FAM149A: variants seen among roughly 807,000 people sequenced by gnomAD.
The protein encoded by FAM149A is family with sequence similarity 149 member A, also known as protein FAM149A.
FAM149A carries 71 observed loss-of-function variants against 78.2 expected under a neutral mutation model. That is an observed-to-expected ratio of 0.91 (90% CI 0.75 to 1.11). FAM149A has a LOEUF of 1.11. Ranked by LOEUF, FAM149A falls within the 50% of genes least tolerant of loss-of-function variation. The pLI is 0.00. For synonymous variants in FAM149A, 446 were observed against 410.5 expected (o/e 1.09, Z -1.04); for missense variants, 1,036 against 971.0 (o/e 1.07, Z -0.89).
chr4:186,151,491 A>T (rs539664239), intron 3 of FAM149A, among the ~76,000 whole-genome samples: 1 of 152,284 alleles, frequency 6.6e-6, no homozygotes. Context: ...AGAAAAAAAA[A>T]TCTTGTATTT....
chr4:186,169,065 G>A (rs1163818944), intron 13 of FAM149A: 4 of 332,080 alleles, frequency 1.2e-5, no homozygotes, highest in Non-Finnish European at 1.7e-5. Context: ...ACAGCACGCC[G>A]AGTGGAGGTA....
At chr4:186,171,472 C>G (rs6552959) in intron 13 of FAM149A, among the ~76,000 whole-genome samples, 72,633 of 152,002 alleles carry the variant, frequency 0.48, 19,872 homozygotes, top group African/African-American at 0.76. Context: ...TCAAAAAGCA[C>G]TGGGAACTAC....
intron 13 of FAM149A, chr4:186,169,270 CA>C: frequency 1.0e-6 from 1 of 985,240 alleles, no homozygotes; most frequent in Non-Finnish European, 1.2e-6. Flanking sequence ...TCGAAACAGA[CA>C]ACTTACAAAA....
rs769229692 is a variant in FAM149A at position 186,164,597 on chromosome 4, G to A, written c.1890-747G>A. 25 of 568,952 alleles carry A rather than the reference G, an allele frequency of 4.4e-5. No individual in the cohort carries two copies. The highest frequency in any genetic ancestry group is 6.3e-5 in the Admixed American group (1 of 15,800). 35.2% of individuals were successfully genotyped at this position (568,952 alleles called of 1,614,324 possible). A position where few individuals can be genotyped will look rare whatever the true frequency, so the allele number is the denominator to read the frequency against. ...TTGGGTCTGCTGTGCTGATTCCTTC[G>A]AGATCCCTCTCCCTCCTCCGCCTCG... On this transcript the variant is annotated intron_variant, in intron 10 of 13. Transcript: ENST00000389354. The surrounding 1 kb of genome is among the most constrained non-coding windows in gnomAD (Gnocchi z 4.0).
At position 186,172,807 on chromosome 4, in the gene FAM149A, G is replaced by A. The variant is rs1426710099; in HGVS notation, c.*820G>A. ...ACCTTCCCAGAGCCCTCGTCTCCTC[G>A]CGCTCTGTCCTGCTCTGCCTGGCTT... On this transcript the variant is annotated 3_prime_UTR_variant, in exon 14 of 14. Transcript: ENST00000389354. 3 of 110,726 alleles carry A rather than the reference G, an allele frequency of 2.7e-5. 1 individual carries two copies. Among genetic ancestry groups the A allele is most frequent in the East Asian group, 4.5e-4 (2 of 4,430 alleles). 6.9% of individuals were successfully genotyped at this position (110,726 alleles called of 1,614,324 possible).
intron 13 of FAM149A, among the ~76,000 whole-genome samples, chr4:186,168,482 A>G (rs1579939153): frequency 6.6e-6 from 1 of 152,242 alleles, no homozygotes; most frequent in East Asian, 1.9e-4. Context: ...CAGCCCCCCA[A>G]GTAGCTGGGA....
chr4:186,132,472 C>T (rs1448584148), intron 1 of FAM149A, among the ~76,000 whole-genome samples: 1 of 152,080 alleles, frequency 6.6e-6, no homozygotes, highest in African/African-American at 2.4e-5. Context: ...GTCTTCTAAA[C>T]CAAAAAATAT....
At chr4:186,123,409 G>A (rs2099316911) in intron 1 of FAM149A, 1 of 974,530 alleles carries the variant, frequency 1.0e-6, no homozygotes, top group African/African-American at 1.8e-5. Flanking sequence ...GTTCTCCCTG[G>A]GCCTTTTGTT....
At chr4:186,129,620 G>A (rs1262508745) in intron 1 of FAM149A, among the ~76,000 whole-genome samples, 1 of 152,122 alleles carries the variant, frequency 6.6e-6, no homozygotes, top group Non-Finnish European at 1.5e-5. Flanking sequence ...GCAGCACCGG[G>A]GACTGAAACC....
chr4:186,163,951 T>C (rs751310177), intron 10 of FAM149A, among the ~76,000 whole-genome samples: 19 of 152,204 alleles, frequency 1.2e-4, no homozygotes, highest in Non-Finnish European at 2.2e-4. Context: ...TAATTAATAC[T>C]TTTCAAGGGG....
At chr4:186,140,747 T>G (rs2099325452) in intron 1 of FAM149A, among the ~76,000 whole-genome samples, 1 of 152,202 alleles carries the variant, frequency 6.6e-6, no homozygotes. Flanking sequence ...TTTTCAATTC[T>G]CAATTAGGGT....
At chr4:186,108,413 T>TAAA (rs113979356) in intron 1 of FAM149A, among the ~76,000 whole-genome samples, 4 of 140,684 alleles carry the variant, frequency 2.8e-5, no homozygotes, top group African/African-American at 1.0e-4. Flanking sequence ...TACTTGGCTT[T>TAAA]AAAAAAAAAA....
chr4:186,160,655 C>A (rs1734517365), intron 8 of FAM149A: 1 of 269,148 alleles, frequency 3.7e-6, no homozygotes, highest in Non-Finnish European at 5.6e-6. Context: ...CACCCCACAC[C>A]TACACACCCC....
chr4:186,141,244 C>A (rs192618615), intron 1 of FAM149A, among the ~76,000 whole-genome samples: 1 of 152,012 alleles, frequency 6.6e-6, no homozygotes, highest in East Asian at 1.9e-4. Flanking sequence ...GGATATTAGA[C>A]CTTTGTTGGA....
intron 4 of FAM149A, 58 bp downstream of exon 4, chr4:186,152,103 C>G (rs1733628001): frequency 6.5e-7 from 1 of 1,548,962 alleles, no homozygotes; most frequent in Non-Finnish European, 8.9e-7. Context: ...CCACCCCTGA[C>G]CTGCCTCGAT....
chr4:186,132,050 C>A (rs2099320964), intron 1 of FAM149A: 1 of 985,306 alleles, frequency 1.0e-6, no homozygotes, highest in South Asian at 4.7e-5. Flanking sequence ...ACACAAAACA[C>A]AAAATAGCTC....
At chr4:186,153,035 T>G (rs1046305439) in intron 4 of FAM149A, among the ~76,000 whole-genome samples, 2 of 152,072 alleles carry the variant, frequency 1.3e-5, no homozygotes, top group African/African-American at 4.8e-5. Context: ...TTTTTTTTTT[T>G]CTTTTCAACC....
At chr4:186,123,272 T>C (rs1190312828) in intron 1 of FAM149A, 1 of 985,328 alleles carries the variant, frequency 1.0e-6, no homozygotes, top group East Asian at 1.1e-4. Context: ...TTTGGCAAAG[T>C]ATGGTTGTTA....
rs780081059 is a variant in FAM149A at position 186,167,051 on chromosome 4, C to A, written c.2094C>A (p.Ala698=). ...GATCGCGTCTTCGAGAAAGAACAGC[C>A]ACCCTGGAACGGTTGTCAAGGCCCA... Residue 698 remains alanine, a synonymous_variant, in exon 12 of 14, where the codon GCC becomes GCA. Transcript: ENST00000389354. 2 of 1,614,176 alleles carry A rather than the reference C, an allele frequency of 1.2e-6. No individual in the cohort carries two copies. Among genetic ancestry groups the A allele is most frequent in the Non-Finnish European group, 1.7e-6 (2 of 1,180,032 alleles).
Sources: gnomAD v4.1 joint callset for allele counts (sites outside exome capture counted in the v4.1 genomes callset) on GRCh38, gnomAD v4.1.1 for gene constraint, Gnocchi (gnomAD v3.1) non-coding constraint, MANE v1.5 for transcripts, NCBI Gene and HGNC (gene_info 2026-07-23, HGNC 2026-07-21) for gene names.